The following CD8A variants were observed in gnomAD, a reference collection of about 807,000 sequenced individuals.
CD8A encodes CD8 subunit alpha, also known as T-cell surface glycoprotein CD8 alpha chain.
Under a neutral mutation model 24.2 loss-of-function variants are expected in CD8A, and 25 were observed. The ratio of observed to expected loss-of-function variants is 1.03; its 90% CI spans 0.75 to 1.44. The LOEUF (loss-of-function observed/expected upper bound fraction) is 1.44, where lower values mean the gene tolerates loss of function less well. CD8A is among the 40% of genes most tolerant of loss of function. The pLI, the probability that CD8A is intolerant of heterozygous loss-of-function variation, is 0.00. For synonymous variants in CD8A, 165 were observed against 149.9 expected (o/e 1.10, Z -0.74); for missense variants, 360 against 319.7 (o/e 1.13, Z -0.96).
In CD8A at chr2:86,790,551, C is replaced by T; in HGVS notation, c.180G>A (p.Pro60=). 1.2e-6 allele frequency: 2 copies of T among 1,613,270 alleles called. No homozygotes were observed. Among genetic ancestry groups the T allele is most frequent in the Non-Finnish European group, 1.7e-6 (2 of 1,179,932 alleles). ...AGGTGGGACTGGCGGCGGCGCCGCG[C>T]GGCTGGAAGAGCCACGAGCAGCCCG... ...PTSGCSWLFQ[P]RGAAASPTFL... The change falls in exon 2 of 6, where the codon CCG becomes CCA. Residue 60 remains proline, a synonymous_variant. Transcript: ENST00000283635.
At chr2:86,796,582 C>T (rs190526259) in intron 3 of CD8A, among the ~76,000 whole-genome samples, 2 of 152,286 alleles carry the variant, frequency 1.3e-5, no homozygotes, top group African/African-American at 2.4e-5. Context: ...TCTCTGTCAT[C>T]CCCTCCCTTG....
Position 86,785,848 on chromosome 2 carries a change from T to C in CD8A, c.*72A>G, listed in dbSNP as rs1261285738. On this transcript the variant is annotated 3_prime_UTR_variant, in exon 6 of 6. Coordinates refer to ENST00000283635, the MANE Select transcript of CD8A (RefSeq NM_001768.7). ...ACACAGGGAGGAAGACTGGAAAAAA[T>C]GAAAGGGAAGGACTTGCTCCCTCAA... The C allele has an allele frequency of 9.1e-7, 1 of 1,098,044 alleles. No individual in the cohort carries two copies. The highest frequency in any genetic ancestry group is 2.4e-5 in the East Asian group (1 of 42,514). The allele number at this position is 1,098,044 out of a possible 1,614,324, so 68.0% of individuals were successfully genotyped here.
upstream of CD8A, among the ~76,000 whole-genome samples, chr2:86,795,238 T>G (rs866888916): frequency 3.3e-5 from 5 of 152,156 alleles, no homozygotes; most frequent in South Asian, 2.1e-4. Flanking sequence ...AAATTCTTGC[T>G]CAGTAAAAGC....
Position 86,788,517 on chromosome 2 carries a change from A to G in CD8A, c.656+13T>C, listed in dbSNP as rs1313986681. On this transcript the variant is annotated intron_variant, in intron 5 of 5. Coordinates refer to ENST00000283635, the MANE Select transcript of CD8A (RefSeq NM_001768.7). ...TGGCCAAGGTGAGCAGGCTGAGTTC[A>G]AAAGAGACTCACCGGGGACATTTGC... 6.3e-7 allele frequency: 1 copy of G among 1,599,832 alleles called. No individual in the cohort carries two copies. The highest frequency in any genetic ancestry group is 1.4e-5 in the African/African-American group (1 of 73,460).
upstream of CD8A, chr2:86,791,695 T>C (rs1323742008): frequency 1.3e-5 from 6 of 453,588 alleles, no homozygotes; most frequent in African/African-American, 6.0e-5. Context: ...CCCAGCTTGG[T>C]TGACCAGCCC....
In CD8A at chr2:86,785,739, T is replaced by C. The variant is rs767110930; in HGVS notation, c.*181A>G. The C allele has an allele frequency of 1.3e-6, 1 of 756,014 alleles. No homozygotes were observed. The highest frequency in any genetic ancestry group is 2.4e-6 in the Non-Finnish European group (1 of 410,048). The allele number at this position is 756,014 out of a possible 1,614,324, so 46.8% of individuals were successfully genotyped here. ...CTTGTGGTGTACTGTAGATTTTACC[T>C]AGTTTTGTTTCCCGTCAAACACATA... On this transcript the variant is annotated 3_prime_UTR_variant, in exon 6 of 6. Transcript: ENST00000283635.
chr2:86,789,572 G>C (rs1463906125), intron 3 of CD8A, 68 bp downstream of exon 3: 8 of 1,324,124 alleles, frequency 6.0e-6, no homozygotes, highest in Non-Finnish European at 5.3e-6. Flanking sequence ...ACAGTATCAG[G>C]GCTGTCCCTG....
At chr2:86,799,111 T>C (rs952639986) in intron 3 of CD8A, among the ~76,000 whole-genome samples, 1 of 152,208 alleles carries the variant, frequency 6.6e-6, no homozygotes, top group African/African-American at 2.4e-5. Context: ...TGGAAGTATA[T>C]GGAGGCTGTC....
At chr2:86,786,225 C>T (rs1672991377) in intron 5 of CD8A, among the ~76,000 whole-genome samples, 1 of 152,240 alleles carries the variant, frequency 6.6e-6, no homozygotes, top group South Asian at 2.1e-4. Context: ...TGCCCAAGGT[C>T]ACACATCTAG....
intron 3 of CD8A, among the ~76,000 whole-genome samples, chr2:86,800,837 T>C (rs1241784224): frequency 6.6e-6 from 1 of 152,236 alleles, no homozygotes; most frequent in East Asian, 1.9e-4. Context: ...CATCTCAGAA[T>C]GTGACCTTAT....
At chr2:86,791,240 C>T (rs1362668464), upstream of CD8A, 5 of 389,136 alleles carry the variant, frequency 1.3e-5, no homozygotes, top group African/African-American at 2.1e-5. Flanking sequence ...AGTGTCCCTT[C>T]CTTTGCCTTC....
chr2:86,787,294 C>G lies in CD8A; in HGVS notation c.656+1236G>C, dbSNP rs1273376831. On this transcript the variant is annotated intron_variant, in intron 5 of 5. Coordinates refer to ENST00000283635, the MANE Select transcript of CD8A (RefSeq NM_001768.7). The stretch of plus-strand genomic sequence containing the variant: ...CTTGGTATATCACCTGTAACATATG[C>G]ATTGGAAATCCATTGCATTTCCATT... 3.9e-5 allele frequency among the ~76,000 whole-genome samples: 6 copies of G among 151,934 alleles called. No individual in the cohort carries two copies. In the South Asian group the frequency reaches 1.0e-3, roughly 26 times the overall value.
chr2:86,795,700 G>T (rs917286248), upstream of CD8A, among the ~76,000 whole-genome samples: 8 of 152,102 alleles, frequency 5.3e-5, no homozygotes, highest in Admixed American at 1.3e-4. Context: ...CTGGAGCCAG[G>T]CTCTCTGCTT....
In CD8A at chr2:86,784,685, AT is replaced by A. The variant is rs1672922878; in HGVS notation, c.*1234del. On this transcript the variant is annotated 3_prime_UTR_variant, in exon 6 of 6. Coordinates refer to ENST00000283635, the MANE Select transcript of CD8A (RefSeq NM_001768.7). ...ACTCATAACAGCATAGTACAACCCT[AT>A]TTAAAAAAGAAAGACATATTTTACA... The A allele has an allele frequency of 2.2e-6, 1 of 447,944 alleles. No homozygotes were observed. Among genetic ancestry groups the A allele is most frequent in the Non-Finnish European group, 4.5e-6 (1 of 223,604 alleles). The allele number at this position is 447,944 out of a possible 1,614,324, so 27.7% of individuals were successfully genotyped here.
At chr2:86,790,297 G>A in intron 2 of CD8A, 31 bp downstream of exon 2, 1 of 1,499,958 alleles carries the variant, frequency 6.7e-7, no homozygotes, top group Non-Finnish European at 9.3e-7. Flanking sequence ...CAAGCCCCAC[G>A]CGGAGAGGTG....
intron 2 of CD8A, among the ~76,000 whole-genome samples, chr2:86,802,464 T>G (rs968607868): frequency 6.6e-6 from 1 of 152,216 alleles, no homozygotes; most frequent in Non-Finnish European, 1.5e-5. Context: ...TAGAAACTTA[T>G]GGTTGCAGGA....
chr2:86,805,913 G>A lies in CD8A; in HGVS notation c.-418+1534C>T, dbSNP rs148473179. On this transcript the variant is annotated intron_variant, in intron 2 of 8. Transcript: ENST00000409511. ...AATACACTGCATCCAAAAAAGGCTC[G>A]TTTCTTTTTCTTTCTTTCTCTCTCT... Among the ~76,000 whole-genome samples the A allele has an allele frequency of 1.4e-4, 22 of 151,738 alleles. No homozygotes were observed. The East Asian group carries it at 2.9e-3, about 20-fold the overall frequency.
intron 1 of CD8A, chr2:86,807,997 G>A (rs1673976562): frequency 6.6e-6 from 1 of 152,472 alleles, no homozygotes; most frequent in Non-Finnish European, 1.5e-5. Flanking sequence ...GTAAGGCGGT[G>A]GATCTTGCAG....
At chr2:86,787,951 G>A (rs2104432238) in intron 5 of CD8A, among the ~76,000 whole-genome samples, 1 of 150,902 alleles carries the variant, frequency 6.6e-6, no homozygotes, top group South Asian at 2.1e-4. Context: ...ACTGGATGAG[G>A]CAGTCACTTG....
Sources: gnomAD v4.1 joint callset for allele counts (sites outside exome capture counted in the v4.1 genomes callset) on GRCh38, gnomAD v4.1.1 for gene constraint, MANE v1.5 for transcripts, NCBI Gene and HGNC (gene_info 2026-07-23, HGNC 2026-07-21) for gene names.